ZNF385D: variants seen among roughly 807,000 people sequenced by gnomAD.
The protein encoded by ZNF385D is zinc finger protein 659.
In ZNF385D, 15 loss-of-function variants were observed where a neutral mutation model predicts 35.8. That is an observed-to-expected ratio of 0.42 (90% CI 0.28 to 0.64). The LOEUF is 0.64. Ranked by LOEUF, ZNF385D falls within the 30% of genes least tolerant of loss-of-function variation. ZNF385D has a pLI of 0.23. For synonymous variants in ZNF385D, 212 were observed against 186.8 expected, an observed-to-expected ratio of 1.13 and a Z score of -1.10; for missense variants, 474 against 494.6, an observed-to-expected ratio of 0.96 and a Z score of 0.39.
At chr3:21,651,281 T>C (rs188415681) in intron 2 of ZNF385D, among the ~76,000 whole-genome samples, 14,986 of 94,478 alleles carry the variant, frequency 0.16, 880 homozygotes, top group Admixed American at 0.25. Flanking sequence ...GAGCGAGACT[T>C]CATCTCAAAA....
chr3:21,968,818 C>A (rs1703063594), intron 3 of ZNF385D, among the ~76,000 whole-genome samples: 1 of 152,164 alleles, frequency 6.6e-6, no homozygotes, highest in Non-Finnish European at 1.5e-5. Flanking sequence ...AAGGGAGAGA[C>A]TCCTTTTGCT....
intron 3 of ZNF385D, among the ~76,000 whole-genome samples, chr3:21,966,041 C>A (rs1702894488): frequency 1.3e-5 from 2 of 152,130 alleles, no homozygotes; most frequent in Admixed American, 1.3e-4. Context: ...TATTCATTTT[C>A]TTCTTTCCTA....
At chr3:22,266,442 C>A (rs191223079) in intron 2 of ZNF385D, among the ~76,000 whole-genome samples, 21 of 151,874 alleles carry the variant, frequency 1.4e-4, no homozygotes, top group African/African-American at 4.6e-4. Context: ...GATCAGGACT[C>A]CTGTTCACAT....
intron 3 of ZNF385D, among the ~76,000 whole-genome samples, chr3:21,523,233 T>G (rs905419355): frequency 6.6e-6 from 1 of 152,180 alleles, no homozygotes; most frequent in African/African-American, 2.4e-5. Flanking sequence ...TATAGATCGG[T>G]GGATTGAGAA....
At position 22,340,150 on chromosome 3, in the gene ZNF385D, T is replaced by C. The variant is rs577340705; in HGVS notation, c.106+32300A>G. On this transcript the variant is annotated intron_variant, in intron 2 of 5. Transcript: ENST00000494108. ...CCTGCTTGGGGACAAATTAAGAACTTTGGTTATCTCAAGGTTATTGCTAAG... is the reference window on the plus strand; with the variant it reads ...CCTGCTTGGGGACAAATTAAGAACTCTGGTTATCTCAAGGTTATTGCTAAG... Among the ~76,000 whole-genome samples the C allele has an allele frequency of 6.6e-5, 10 of 152,304 alleles. No individual in the cohort carries two copies. In the South Asian group the frequency reaches 1.9e-3, roughly 28 times the overall value.
At chr3:21,554,836 A>T (rs1172958478) in intron 3 of ZNF385D, among the ~76,000 whole-genome samples, 1 of 152,130 alleles carries the variant, frequency 6.6e-6, no homozygotes. Flanking sequence ...AGCTTCAGAC[A>T]TTTTTTTCTC....
At chr3:22,041,789 G>A (rs186819661) in intron 3 of ZNF385D, among the ~76,000 whole-genome samples, 50 of 152,148 alleles carry the variant, frequency 3.3e-4, no homozygotes, top group Middle Eastern at 3.4e-3. Context: ...ATTTATAAAT[G>A]TGCTTGGAGG....
chr3:21,723,077 G>T (rs893010690), intron 1 of ZNF385D, among the ~76,000 whole-genome samples: 9 of 152,160 alleles, frequency 5.9e-5, no homozygotes, highest in African/African-American at 2.2e-4. Context: ...ATATTATAAA[G>T]GGTAAAAAAC....
intron 3 of ZNF385D, among the ~76,000 whole-genome samples, chr3:22,159,651 T>G (rs1576421267): frequency 6.6e-6 from 1 of 152,086 alleles, no homozygotes; most frequent in East Asian, 1.9e-4. Context: ...GTGAAAAAAA[T>G]TGGTAACAAA....
intron 3 of ZNF385D, among the ~76,000 whole-genome samples, chr3:22,159,335 G>A (rs1478530739): frequency 6.6e-6 from 1 of 151,614 alleles, no homozygotes. Flanking sequence ...TTCTTTTTTG[G>A]CTTCACTTAA....
chr3:21,776,125 C>A (rs1383884730), intron 3 of ZNF385D, among the ~76,000 whole-genome samples: 2 of 151,618 alleles, frequency 1.3e-5, no homozygotes, highest in East Asian at 3.9e-4. Flanking sequence ...TTAATTATAT[C>A]CTATATTATG....
intron 5 of ZNF385D, among the ~76,000 whole-genome samples, chr3:21,434,200 A>AAC (rs1701440471): frequency 6.6e-6 from 1 of 152,150 alleles, no homozygotes; most frequent in Non-Finnish European, 1.5e-5. Context: ...CCAATTGTTC[A>AAC]ACTTGGTAGT....
chr3:21,688,230 G>A (rs913743514), intron 1 of ZNF385D, among the ~76,000 whole-genome samples: 2 of 151,838 alleles, frequency 1.3e-5, no homozygotes, highest in Non-Finnish European at 2.9e-5. Context: ...TTGTTCTGTT[G>A]GAATAATTGT....
intron 3 of ZNF385D, among the ~76,000 whole-genome samples, chr3:21,807,252 G>A (rs1271865698): frequency 6.6e-6 from 1 of 152,126 alleles, no homozygotes; most frequent in African/African-American, 2.4e-5. Flanking sequence ...CAAAGTCTGA[G>A]AAATCTGATT....
At chr3:21,741,786 C>A (rs1319750314) in intron 1 of ZNF385D, among the ~76,000 whole-genome samples, 1 of 152,126 alleles carries the variant, frequency 6.6e-6, no homozygotes, top group Admixed American at 6.6e-5. Flanking sequence ...TATGTCCATC[C>A]CCATTAGAGT....
At chr3:22,271,681 C>A (rs577496572) in intron 2 of ZNF385D, among the ~76,000 whole-genome samples, 2 of 151,746 alleles carry the variant, frequency 1.3e-5, no homozygotes, top group East Asian at 1.9e-4. Context: ...TTAAAAAACT[C>A]CCCCCACCCT....
intron 3 of ZNF385D, among the ~76,000 whole-genome samples, chr3:21,888,162 G>T (rs538910760): frequency 6.3e-4 from 96 of 151,464 alleles, no homozygotes; most frequent in Admixed American, 2.4e-3. Flanking sequence ...GCAAAATTTT[G>T]TATCAAGTAT....
chr3:21,483,987 G>C (rs531495457), intron 4 of ZNF385D, among the ~76,000 whole-genome samples: 56 of 152,196 alleles, frequency 3.7e-4, no homozygotes, highest in African/African-American at 1.3e-3. Flanking sequence ...TCAAAAAAGA[G>C]AAACTGGCAT....
intron 3 of ZNF385D, among the ~76,000 whole-genome samples, chr3:21,820,839 C>A (rs1024872319): frequency 1.4e-5 from 2 of 147,988 alleles, no homozygotes; most frequent in African/African-American, 2.5e-5. Context: ...CAGAAGTCAC[C>A]GAGACAGTAA....
Sources: gnomAD v4.1 joint callset for allele counts (sites outside exome capture counted in the v4.1 genomes callset) on GRCh38, gnomAD v4.1.1 for gene constraint, MANE v1.5 for transcripts, NCBI Gene and HGNC (gene_info 2026-07-23, HGNC 2026-07-21) for gene names.